The following ABCA12 variants were observed in gnomAD, a reference collection of about 807,000 sequenced individuals.
ABCA12 encodes glucosylceramide transporter ABCA12.
Under a neutral mutation model 293.5 loss-of-function variants are expected in ABCA12, and 156 were observed. That is an observed-to-expected ratio of 0.53 (90% confidence interval 0.47 to 0.61). ABCA12 has a LOEUF of 0.61. Among genes scored for constraint, ABCA12 ranks in the 20% least tolerant of loss-of-function variants. The probability of loss-of-function intolerance (pLI) is 0.00; values close to 1 mark genes in which losing one functional copy is unlikely to be tolerated. For synonymous variants in ABCA12, 1,063 were observed against 1,108.0 expected (o/e 0.96, Z 0.81); for missense variants, 2,797 against 3,090.2 (o/e 0.91, Z 2.25).
At position 214,954,047 on chromosome 2, in the gene ABCA12, A is replaced by C. The variant is rs766281177; in HGVS notation, c.6454T>G (p.Phe2152Val). Residue 2152 changes from phenylalanine to valine, a missense_variant, in exon 44 of 53, where the codon TTT becomes GTT. Coordinates refer to ENST00000272895, the MANE Select transcript of ABCA12 (RefSeq NM_173076.3). ...GAAAGTTCAATCAAACCGTAGCCAA[A>C]ACAGAATTGTGGGAAAATCAGGAAA... Reference protein sequence around the residue: ...RIFLIFPQFCFGYGLIELSQQ... With the variant: ...RIFLIFPQFCVGYGLIELSQQ... 6.2e-6 allele frequency: 10 copies of C among 1,613,966 alleles called. No homozygotes were observed. Among genetic ancestry groups the C allele is most frequent in the Middle Eastern group, 1.6e-4 (1 of 6,084 alleles).
At chr2:214,977,475 GT>G (rs1699544153) in intron 33 of ABCA12, among the ~76,000 whole-genome samples, 1 of 152,128 alleles carries the variant, frequency 6.6e-6, no homozygotes, top group Non-Finnish European at 1.5e-5. Flanking sequence ...CCAGGCAAAT[GT>G]TTAATTAAAA....
intron 36 of ABCA12, among the ~76,000 whole-genome samples, chr2:214,971,196 C>T (rs1241310925): frequency 1.3e-5 from 2 of 152,070 alleles, no homozygotes; most frequent in African/African-American, 4.8e-5. Context: ...ATAGTGCCAC[C>T]TGTCTATCTC....
intron 8 of ABCA12, among the ~76,000 whole-genome samples, chr2:215,033,906 A>G (rs185744124): frequency 6.6e-6 from 1 of 152,098 alleles, no homozygotes; most frequent in African/African-American, 2.4e-5. Flanking sequence ...ATGCCACTGC[A>G]CTCCAACCTG....
chr2:215,039,340 T>C (rs1427285629), intron 7 of ABCA12, among the ~76,000 whole-genome samples: 1 of 152,208 alleles, frequency 6.6e-6, no homozygotes, highest in Non-Finnish European at 1.5e-5. Context: ...TGTGATAAAA[T>C]ACAGTCATTT....
chr2:215,111,921 G>C (rs1441620573), intron 1 of ABCA12, among the ~76,000 whole-genome samples: 1 of 152,078 alleles, frequency 6.6e-6, no homozygotes, highest in Non-Finnish European at 1.5e-5. Context: ...ATAACCTTCT[G>C]AAGATTTATT....
chr2:214,977,880 CTTTTT>C (rs55902726), intron 33 of ABCA12, among the ~76,000 whole-genome samples: 2 of 140,264 alleles, frequency 1.4e-5, no homozygotes, highest in Non-Finnish European at 3.1e-5. Flanking sequence ...CTTTTTTTTC[CTTTTT>C]TTTTTTTTTC....
chr2:214,943,160 T>C (rs1698462406), intron 49 of ABCA12, 143 bp from the exon 50 acceptor site: 1 of 686,332 alleles, frequency 1.5e-6, no homozygotes, highest in South Asian at 1.6e-5. Context: ...TTTTTTGAGA[T>C]AGGGTGTCAC....
intron 7 of ABCA12, among the ~76,000 whole-genome samples, chr2:215,043,393 A>G (rs752322456): frequency 2.0e-5 from 3 of 152,170 alleles, no homozygotes; most frequent in Non-Finnish European, 4.4e-5. Flanking sequence ...GTGCCAAAAT[A>G]TGCAATAATT....
chr2:215,046,411 T>C (rs1268358497), intron 6 of ABCA12, among the ~76,000 whole-genome samples: 2 of 149,440 alleles, frequency 1.3e-5, no homozygotes, highest in Non-Finnish European at 3.0e-5. Flanking sequence ...TTATATTGTT[T>C]GGATGGAGTA....
chr2:215,136,083 C>T (rs899973202), intron 1 of ABCA12, among the ~76,000 whole-genome samples: 1 of 152,108 alleles, frequency 6.6e-6, no homozygotes, highest in Non-Finnish European at 1.5e-5. Context: ...CTCACTCTGC[C>T]GTGAAGACTT....
chr2:215,019,664 G>A lies in ABCA12; in HGVS notation c.1420C>T (p.Leu474Phe), dbSNP rs886055611. The change falls in exon 12 of 53, where the codon CTC becomes TTC. Residue 474 changes from leucine (L) to phenylalanine (F), a missense_variant. Physicochemically the swap from Leu to Phe is conservative, Grantham distance 22. Coordinates refer to ENST00000272895, the MANE Select transcript of ABCA12 (RefSeq NM_173076.3). ...TCGGTGCCCAGCTCTGCCGCTTCGA[G>A]GAGTTGCAGATCAAACTCACTTTCT... ...CEESEFDLQL[L>F]EAAELGTEIA... 3 of 1,614,070 alleles carry A rather than the reference G, an allele frequency of 1.9e-6. No homozygotes were observed. The highest frequency in any genetic ancestry group is 1.7e-4 in the Middle Eastern group (1 of 6,058).
At chr2:214,946,382 A>C (rs1698583182) in intron 48 of ABCA12, among the ~76,000 whole-genome samples, 1 of 152,150 alleles carries the variant, frequency 6.6e-6, no homozygotes, top group South Asian at 2.1e-4. Context: ...ATTTTGGTTC[A>C]TTAATGCATA....
At chr2:215,055,764 A>T (rs919192102) in intron 3 of ABCA12, among the ~76,000 whole-genome samples, 1 of 152,024 alleles carries the variant, frequency 6.6e-6, no homozygotes, top group Admixed American at 6.6e-5. Context: ...TATTCTCCAT[A>T]AAATGTACTT....
chr2:215,131,033 T>A (rs540609935), intron 1 of ABCA12, among the ~76,000 whole-genome samples: 2 of 152,230 alleles, frequency 1.3e-5, no homozygotes, highest in African/African-American at 4.8e-5. Context: ...GTTCTGCTTA[T>A]GTGGTGGATC....
intron 51 of ABCA12, 75 bp from the exon 52 acceptor site, chr2:214,934,290 A>G (rs1698153171): frequency 6.5e-7 from 1 of 1,534,642 alleles, no homozygotes; most frequent in Admixed American, 1.7e-5. Flanking sequence ...AACTTTACCA[A>G]GAGTTCAGGA....
intron 1 of ABCA12, among the ~76,000 whole-genome samples, chr2:215,122,641 A>C (rs1438829204): frequency 6.6e-6 from 1 of 152,216 alleles, no homozygotes; most frequent in Non-Finnish European, 1.5e-5. Context: ...TCATCAACTG[A>C]GCTACAGTGT....
chr2:215,064,524 G>T (rs1044212933), intron 2 of ABCA12, among the ~76,000 whole-genome samples: 8 of 152,060 alleles, frequency 5.3e-5, no homozygotes, highest in African/African-American at 1.9e-4. Flanking sequence ...TTGCAAGAAT[G>T]TTTGCCAGAA....
chr2:215,107,638 C>T (rs1478829444), intron 2 of ABCA12, among the ~76,000 whole-genome samples: 1 of 152,192 alleles, frequency 6.6e-6, no homozygotes, highest in African/African-American at 2.4e-5. Flanking sequence ...GGTTCCCGCT[C>T]ATCAAAAATG....
chr2:215,088,313 C>A (rs986932885), intron 2 of ABCA12, among the ~76,000 whole-genome samples: 3 of 152,064 alleles, frequency 2.0e-5, no homozygotes, highest in African/African-American at 7.2e-5. Context: ...TTTCAAGAGA[C>A]ATTTGGAAGG....
Sources: allele counts gnomAD v4.1 joint callset (sites outside exome capture counted in the v4.1 genomes callset), GRCh38; gene constraint gnomAD v4.1.1; transcripts MANE v1.5; gene names NCBI Gene and HGNC (gene_info 2026-07-23, HGNC 2026-07-21).